SATL1: variants seen among roughly 807,000 people sequenced by gnomAD.
SATL1 encodes spermidine/spermine N(1)-acetyltransferase-like protein 1.
SATL1 carries 47 observed loss-of-function variants against 51.8 expected under a neutral mutation model. The ratio of observed to expected loss-of-function variants is 0.91; its 90% CI spans 0.72 to 1.16. SATL1 has a LOEUF of 1.16. Ranked by LOEUF, SATL1 falls within the 50% of genes most tolerant of loss-of-function variation. The pLI, the probability that SATL1 is intolerant of heterozygous loss-of-function variation, is 0.00. For synonymous variants in SATL1, 176 were observed against 182.4 expected, an observed-to-expected ratio of 0.97 and a Z score of 0.28; for missense variants, 520 against 526.4, an observed-to-expected ratio of 0.99 and a Z score of 0.12.
intron 2 of SATL1, among the ~76,000 whole-genome samples, chrX:85,173,274 T>C (rs2147735785): frequency 9.0e-6 from 1 of 111,323 alleles, no homozygotes; most frequent in South Asian, 3.7e-4. Context: ...TTCATAAAAT[T>C]TTAAGTGATT....
At chrX:85,120,843 T>C (rs1925487772) in intron 2 of SATL1, among the ~76,000 whole-genome samples, 1 of 111,238 alleles carries the variant, frequency 9.0e-6, no homozygotes, top group South Asian at 3.8e-4. Context: ...CCTGCTTAAA[T>C]TGACCTGAGA....
rs1348060178 is a variant in SATL1, at chrX:85,094,218, C to A, written c.1786G>T (p.Val596Phe). The A allele has an allele frequency of 8.6e-7, 1 of 1,160,174 alleles. No homozygotes were observed. The highest frequency in any genetic ancestry group is 1.2e-6 in the Non-Finnish European group (1 of 850,609). ...DQQKPSGKLTVGFAMYYFTYD... is the reference protein window; with the variant it reads ...DQQKPSGKLTFGFAMYYFTYD... ...GTAAAGTAGTACATGGCAAATCCAA[C>A]AGTCAGTTTGCCTAGGAAGGGAGAA... The change falls in exon 6 of 8, where the codon GTT becomes TTT. Residue 596 changes from valine to phenylalanine, a missense_variant. By Grantham distance (50) the Val-to-Phe change is conservative. Around this residue, in one of 3 missense-constraint regions of SATL1, gnomAD observed 488 missense variants for 474.3 expected, o/e 1.03. Transcript: ENST00000644105.
chrX:85,165,249 T>A (rs1048294597), intron 2 of SATL1, among the ~76,000 whole-genome samples: 2 of 111,481 alleles, frequency 1.8e-5, no homozygotes, highest in Admixed American at 1.9e-4. Flanking sequence ...AAATTCTTTT[T>A]TCCTTGTCTT....
At chrX:85,097,650 G>A (rs1924769587) in intron 4 of SATL1, among the ~76,000 whole-genome samples, 2 of 112,175 alleles carry the variant, frequency 1.8e-5, no homozygotes, top group African/African-American at 3.2e-5. Flanking sequence ...CCTAATGTAC[G>A]TTATTGGGCA....
Position 85,183,063 on chromosome X carries a change from G to C in SATL1, c.-313+41142C>G, listed in dbSNP as rs189313095. On this transcript the variant is annotated intron_variant, in intron 2 of 7. Transcript: ENST00000644105. ...TATTCTATTGATTGTTTCCTTTGCTGTGCAGAAGGTTTTCAGTTTGATCCC... is the reference window on the plus strand; with the variant it reads ...TATTCTATTGATTGTTTCCTTTGCTCTGCAGAAGGTTTTCAGTTTGATCCC... 4.8e-4 allele frequency among the ~76,000 whole-genome samples: 54 copies of C among 111,499 alleles called. 2 individuals carry two copies. The South Asian group carries it at 9.0e-3, about 19-fold the overall frequency.
intron 2 of SATL1, among the ~76,000 whole-genome samples, chrX:85,144,134 C>A (rs1926176585): frequency 9.0e-6 from 1 of 111,239 alleles, no homozygotes; most frequent in Non-Finnish European, 1.9e-5. Flanking sequence ...CTGGTGGGCA[C>A]TTTTGGAATG....
chrX:85,166,667 C>T (rs1602884521), intron 2 of SATL1, among the ~76,000 whole-genome samples: 1 of 110,334 alleles, frequency 9.1e-6, no homozygotes, highest in East Asian at 2.9e-4. Flanking sequence ...TACACTTTTA[C>T]ACTGCTGGTG....
chrX:85,111,567 G>C (rs1379392802), intron 2 of SATL1, among the ~76,000 whole-genome samples: 1 of 111,778 alleles, frequency 8.9e-6, no homozygotes, highest in Non-Finnish European at 1.9e-5. Context: ...ATCCAGTTTA[G>C]GAACCAAAAA....
chrX:85,117,304 T>C (rs754208952), intron 2 of SATL1: 1 of 111,838 alleles, frequency 8.9e-6, no homozygotes, highest in Admixed American at 9.5e-5. Context: ...CCTTCTGCCT[T>C]ATTTCCCTCA....
chrX:85,199,335 C>A (rs986970355), intron 2 of SATL1, among the ~76,000 whole-genome samples: 1 of 111,104 alleles, frequency 9.0e-6, no homozygotes, highest in Non-Finnish European at 1.9e-5. Flanking sequence ...TTGGTGGGAA[C>A]GTAAATTAGT....
intron 2 of SATL1, among the ~76,000 whole-genome samples, chrX:85,146,166 G>A (rs1275507512): frequency 1.8e-5 from 2 of 111,398 alleles, no homozygotes; most frequent in African/African-American, 3.3e-5. Flanking sequence ...CCAAAGTGCT[G>A]GGATTACAGG....
chrX:85,205,056 A>G (rs1371543656), intron 2 of SATL1, among the ~76,000 whole-genome samples: 1 of 111,861 alleles, frequency 8.9e-6, no homozygotes, highest in Non-Finnish European at 1.9e-5. Context: ...TCTGATTGAG[A>G]GTTCACTTTG....
At chrX:85,218,496 A>G (rs1928101455) in intron 2 of SATL1, among the ~76,000 whole-genome samples, 1 of 111,759 alleles carries the variant, frequency 8.9e-6, no homozygotes, top group East Asian at 2.8e-4. Context: ...ATGAACCTCT[A>G]TCATAAAACA....
At chrX:85,170,040 C>T (rs1926939654) in intron 2 of SATL1, among the ~76,000 whole-genome samples, 2 of 111,184 alleles carry the variant, frequency 1.8e-5, no homozygotes, top group South Asian at 7.5e-4. Context: ...AAAACAAATA[C>T]CACATGTTCT....
chrX:85,213,221 G>C (rs771681774), intron 2 of SATL1, among the ~76,000 whole-genome samples: 6 of 111,648 alleles, frequency 5.4e-5, no homozygotes, highest in African/African-American at 1.6e-4. Context: ...TGTTTTTGAA[G>C]TCATTAAATT....
At chrX:85,099,619 T>C (rs1313297663) in intron 4 of SATL1, among the ~76,000 whole-genome samples, 1 of 111,701 alleles carries the variant, frequency 9.0e-6, no homozygotes, top group Non-Finnish European at 1.9e-5. Context: ...TAATACATCA[T>C]ATTAATGAAA....
intron 2 of SATL1, among the ~76,000 whole-genome samples, chrX:85,214,075 T>C (rs1927985858): frequency 8.9e-6 from 1 of 112,135 alleles, no homozygotes; most frequent in Admixed American, 9.5e-5. Flanking sequence ...AAACACATAC[T>C]TATTATCTCA....
chrX:85,171,430 C>G (rs952865129), intron 2 of SATL1, among the ~76,000 whole-genome samples: 1 of 111,648 alleles, frequency 9.0e-6, no homozygotes, highest in African/African-American at 3.2e-5. Flanking sequence ...TACATAATTG[C>G]AATCTGCAAT....
intron 2 of SATL1, among the ~76,000 whole-genome samples, chrX:85,168,805 G>A (rs766377150): frequency 2.7e-5 from 3 of 111,323 alleles, no homozygotes; most frequent in East Asian, 5.6e-4. Context: ...AAATGAGCCC[G>A]AATAGCCACA....
Sources: gnomAD v4.1 joint callset for allele counts (sites outside exome capture counted in the v4.1 genomes callset) on GRCh38, gnomAD v4.1.1 for gene constraint, gnomAD v4.1.1 regional missense constraint, MANE v1.5 for transcripts, NCBI Gene and HGNC (gene_info 2026-07-23, HGNC 2026-07-21) for gene names.